The following BICC1 variants were observed in gnomAD, a reference collection of about 807,000 sequenced individuals.
The protein encoded by BICC1 is protein bicaudal C homolog 1.
A neutral mutation model predicts 111.0 loss-of-function variants in BICC1; 43 were observed. The observed-to-expected ratio is 0.39, with a 90% CI of 0.30 to 0.50. The LOEUF (loss-of-function observed/expected upper bound fraction) is 0.50, where lower values mean the gene tolerates loss of function less well. Ranked by LOEUF, BICC1 falls within the 20% of genes least tolerant of loss-of-function variation. The pLI, the probability that BICC1 is intolerant of heterozygous loss-of-function variation, is 0.88. For missense variants in BICC1, 1,091 were observed against 1,203.2 expected (o/e 0.91, Z 1.38); for synonymous variants, 467 against 434.4 (o/e 1.07, Z -0.93).
chr10:58,799,291 T>A (rs1843462017), intron 12 of BICC1, 39 bp downstream of exon 12: 1 of 1,463,278 alleles, frequency 6.8e-7, no homozygotes, highest in Non-Finnish European at 9.2e-7. Context: ...TGATCTGTAC[T>A]GTTTGTAAGA....
chr10:58,539,545 A>AT (rs397740047), intron 1 of BICC1, among the ~76,000 whole-genome samples: 26 of 151,418 alleles, frequency 1.7e-4, no homozygotes, highest in South Asian at 4.2e-4. Context: ...ATAAAAAAAA[A>AT]TTTTTGAAGT....
chr10:58,512,628 AGT>A (rs755064263), upstream of BICC1, among the ~76,000 whole-genome samples: 98 of 151,936 alleles, frequency 6.5e-4, 2 homozygotes, highest in South Asian at 4.1e-4. Context: ...TGCGTTCAGG[AGT>A]GTGTGTGTTT....
At chr10:58,595,560 C>T (rs940861704) in intron 1 of BICC1, among the ~76,000 whole-genome samples, 1 of 152,198 alleles carries the variant, frequency 6.6e-6, no homozygotes, top group South Asian at 2.1e-4. Flanking sequence ...GATTAAAAAA[C>T]TCACTCAAAA....
At chr10:58,618,101 C>T (rs1009752874) in intron 1 of BICC1, among the ~76,000 whole-genome samples, 2 of 151,958 alleles carry the variant, frequency 1.3e-5, no homozygotes, top group African/African-American at 4.8e-5. Flanking sequence ...GTGTCTGGGG[C>T]CTGTGTACCT....
At chr10:58,581,099 C>A (rs901983485) in intron 1 of BICC1, among the ~76,000 whole-genome samples, 111 of 152,036 alleles carry the variant, frequency 7.3e-4, no homozygotes, top group African/African-American at 2.5e-3. Flanking sequence ...TTTCAGTTTT[C>A]CATACTTATA....
intron 2 of BICC1, among the ~76,000 whole-genome samples, chr10:58,670,623 G>T (rs543045199): frequency 6.6e-6 from 1 of 152,294 alleles, no homozygotes; most frequent in African/African-American, 2.4e-5. Context: ...AGAGGGAATG[G>T]CAGTGCCATT....
At chr10:58,681,998 TA>T (rs941497501) in intron 2 of BICC1, among the ~76,000 whole-genome samples, 7 of 151,442 alleles carry the variant, frequency 4.6e-5, no homozygotes, top group Admixed American at 4.6e-4. Flanking sequence ...GTATTTCTCC[TA>T]ATGCTATCCC....
At chr10:58,752,640 A>G (rs564416996) in intron 3 of BICC1, among the ~76,000 whole-genome samples, 1 of 152,204 alleles carries the variant, frequency 6.6e-6, no homozygotes, top group South Asian at 2.1e-4. Flanking sequence ...TCTTAGAGGC[A>G]CCGTTGATTC....
At chr10:58,626,192 C>G (rs985833625) in intron 2 of BICC1, among the ~76,000 whole-genome samples, 1 of 152,142 alleles carries the variant, frequency 6.6e-6, no homozygotes, top group African/African-American at 2.4e-5. Context: ...TGCAGCATTA[C>G]ATTGTTGGTC....
At chr10:58,563,678 T>C (rs1843674053) in intron 1 of BICC1, among the ~76,000 whole-genome samples, 2 of 152,220 alleles carry the variant, frequency 1.3e-5, no homozygotes, top group Admixed American at 6.5e-5. Flanking sequence ...GATGATGACA[T>C]GTTCTTTGCT....
intron 2 of BICC1, among the ~76,000 whole-genome samples, chr10:58,683,781 C>T (rs887214308): frequency 3.9e-5 from 6 of 151,988 alleles, no homozygotes; most frequent in African/African-American, 1.5e-4. Flanking sequence ...TGGGATGAGA[C>T]GATATGGTTT....
chr10:58,624,621 T>C (rs775705354), intron 2 of BICC1, among the ~76,000 whole-genome samples: 1 of 152,118 alleles, frequency 6.6e-6, no homozygotes, highest in Non-Finnish European at 1.5e-5. Flanking sequence ...TGAGACAGAG[T>C]CTTGCTGTGT....
chr10:58,736,648 A>G (rs1258603068), intron 3 of BICC1, among the ~76,000 whole-genome samples: 1 of 152,202 alleles, frequency 6.6e-6, no homozygotes, highest in East Asian at 1.9e-4. Flanking sequence ...GAAAATGAAA[A>G]CAAGTAAACA....
chr10:58,735,553 C>T (rs1376870147), intron 3 of BICC1, among the ~76,000 whole-genome samples: 2 of 151,606 alleles, frequency 1.3e-5, no homozygotes, highest in Admixed American at 6.6e-5. Context: ...CCTTCCCTAT[C>T]GTAGTCACTG....
chr10:58,784,370 A>C (rs1842954555), intron 3 of BICC1, among the ~76,000 whole-genome samples: 3 of 152,188 alleles, frequency 2.0e-5, no homozygotes, highest in Admixed American at 2.0e-4. Flanking sequence ...TTAGTCACTC[A>C]ATACTAATTC....
In BICC1 at chr10:58,830,811, TCATC is replaced by T. The variant is rs1844532145; in HGVS notation, c.*1925_*1928del. 8 of 152,314 alleles carry T rather than the reference TCATC, an allele frequency of 5.3e-5. No individual in the cohort carries two copies. In the South Asian group the frequency reaches 1.7e-3, roughly 32 times the overall value. 9.4% of individuals were successfully genotyped at this position (152,314 alleles called of 1,614,324 possible). ...AATGGTCATGTGGATCATGTGATGA[TCATC>T]CATCTTATTTGATTGTATTAATGCA... On this transcript the variant is annotated 3_prime_UTR_variant, in exon 21 of 21. Transcript: ENST00000373886.
At chr10:58,731,431 C>A (rs1336034414) in intron 3 of BICC1, among the ~76,000 whole-genome samples, 4 of 152,166 alleles carry the variant, frequency 2.6e-5, no homozygotes, top group Non-Finnish European at 5.9e-5. Context: ...TTCCTATTAC[C>A]CAGTTCCAAT....
intron 1 of BICC1, among the ~76,000 whole-genome samples, chr10:58,550,449 T>C (rs1270727074): frequency 2.0e-5 from 3 of 152,226 alleles, no homozygotes; most frequent in African/African-American, 7.2e-5. Context: ...TTAAGTCCAA[T>C]TTATCTATCT....
intron 3 of BICC1, among the ~76,000 whole-genome samples, chr10:58,707,795 T>G (rs184399552): frequency 6.6e-6 from 1 of 151,970 alleles, no homozygotes; most frequent in African/African-American, 2.4e-5. Context: ...CCTCCTGGGT[T>G]AAGCGATTGT....
Sources: allele counts gnomAD v4.1 joint callset (sites outside exome capture counted in the v4.1 genomes callset), GRCh38; gene constraint gnomAD v4.1.1; transcripts MANE v1.5; gene names NCBI Gene and HGNC (gene_info 2026-07-23, HGNC 2026-07-21).